Variants in NCAPH observed in about 807,000 individuals in gnomAD.
NCAPH encodes the protein non-SMC condensin I complex subunit H.
NCAPH carries 38 observed loss-of-function variants against 85.5 expected under a neutral mutation model. That is an observed-to-expected ratio of 0.44 (90% CI 0.34 to 0.58). The LOEUF is 0.58. NCAPH is among the 20% of genes least tolerant of loss of function. NCAPH has a pLI of 0.01. For missense variants in NCAPH, 789 were observed against 916.6 expected, an observed-to-expected ratio of 0.86 and a Z score of 1.80; for synonymous variants, 301 against 335.1, an observed-to-expected ratio of 0.90 and a Z score of 1.11.
intron 6 of NCAPH, among the ~76,000 whole-genome samples, chr2:96,347,217 G>T (rs537006131): frequency 2.0e-5 from 3 of 151,806 alleles, no homozygotes; most frequent in South Asian, 2.1e-4. Context: ...GCAGAGGCCC[G>T]CAGGGGAAGC....
intron 15 of NCAPH, among the ~76,000 whole-genome samples, 185 bp downstream of exon 15, chr2:96,367,558 G>A (rs2064717564): frequency 6.6e-6 from 1 of 152,200 alleles, no homozygotes; most frequent in Admixed American, 6.5e-5. Context: ...TGAAGTGGAA[G>A]GATCACTTGA....
Position 96,360,735 on chromosome 2 carries a change from A to G in NCAPH, c.1587+25A>G, listed in dbSNP as rs377108952. The stretch of plus-strand genomic sequence containing the variant: ...GGTAAGCCTATTTCTTGGTTCCTTT[A>G]AGCACACAAGGTATCAAGTGGCTGA... On this transcript the variant is annotated intron_variant, in intron 12 of 17. Coordinates refer to ENST00000240423, the MANE Select transcript of NCAPH (RefSeq NM_015341.5). 1.4e-5 allele frequency: 23 copies of G among 1,613,452 alleles called. No individual in the cohort carries two copies. In the African/African-American group the frequency reaches 3.1e-4, roughly 22 times the overall value.
At chr2:96,355,545 A>G (rs1417478481) in intron 9 of NCAPH, among the ~76,000 whole-genome samples, 1 of 152,064 alleles carries the variant, frequency 6.6e-6, no homozygotes, top group East Asian at 1.9e-4. Context: ...GCCACTGCCC[A>G]TCCAGGCTCA....
intron 15 of NCAPH, among the ~76,000 whole-genome samples, chr2:96,368,055 G>A (rs1327049558): frequency 6.6e-6 from 1 of 152,198 alleles, no homozygotes; most frequent in Non-Finnish European, 1.5e-5. Context: ...CTGAAACCTT[G>A]ATTAACTTGG....
intron 7 of NCAPH, among the ~76,000 whole-genome samples, chr2:96,353,018 GA>G (rs1004391736): frequency 1.2e-4 from 18 of 152,278 alleles, no homozygotes; most frequent in African/African-American, 3.9e-4. Flanking sequence ...TTTCAGAATC[GA>G]ATGTCTGTGC....
At chr2:96,366,240 C>A (rs1162243541) in intron 14 of NCAPH, among the ~76,000 whole-genome samples, 182 bp downstream of exon 14, 1 of 152,136 alleles carries the variant, frequency 6.6e-6, no homozygotes, top group Non-Finnish European at 1.5e-5. Flanking sequence ...TGGAACTGAC[C>A]ATCTCTCCAA....
At position 96,360,692 on chromosome 2, in the gene NCAPH, C is replaced by T; in HGVS notation, c.1569C>T (p.His523=). ...NYNVDTLVQL[H]LKPGTRLLKM... ...ATGTTGACACTCTGGTCCAGCTTCA[C>T]CTCAAACCAGGCACCAGGGTAAGCC... Residue 523 remains histidine (H), a synonymous_variant, in exon 12 of 18, where the codon CAC becomes CAT. Transcript: ENST00000240423. 6.2e-7 allele frequency: 1 copy of T among 1,614,194 alleles called. No homozygotes were observed. Among genetic ancestry groups the T allele is most frequent in the Non-Finnish European group, 8.5e-7 (1 of 1,180,030 alleles).
At chr2:96,361,040 CTTTTTT>C (rs760283642) in intron 12 of NCAPH, among the ~76,000 whole-genome samples, 38 of 86,780 alleles carry the variant, frequency 4.4e-4, no homozygotes, top group African/African-American at 1.4e-3. Context: ...TTGCTTTCTC[CTTTTTT>C]TTTTTTTTTT....
In NCAPH at chr2:96,352,548, C is replaced by T. The variant is rs536397017; in HGVS notation, c.910+528C>T. On this transcript the variant is annotated intron_variant, in intron 7 of 17. Transcript: ENST00000240423. The stretch of plus-strand genomic sequence containing the variant: ...AGCATCCCTCCCATATACGCCTCCA[C>T]GCCTGAGTTGGGGGTTCTCCTTGGG... 9.5e-4 allele frequency among the ~76,000 whole-genome samples: 145 copies of T among 152,316 alleles called. 4 individuals carry two copies. The South Asian group carries it at 0.029, about 31-fold the overall frequency.
chr2:96,364,371 A>G (rs1364595214), intron 12 of NCAPH, 110 bp from the exon 13 acceptor site: 3 of 712,820 alleles, frequency 4.2e-6, no homozygotes, highest in Non-Finnish European at 6.9e-6. Flanking sequence ...TCTGACTCTA[A>G]AATTGTATAA....
rs1361149615 is a variant in NCAPH, at chr2:96,341,628, G to C, written c.20-14G>C. The C allele has an allele frequency of 6.2e-7, 1 of 1,605,198 alleles. No homozygotes were observed. The highest frequency in any genetic ancestry group is 1.3e-5 in the African/African-American group (1 of 74,546). On this transcript the variant is annotated splice_polypyrimidine_tract_variant and intron_variant, in intron 1 of 17. Transcript: ENST00000240423. ...GTTCTCTTGAAGGTTTCTTGAGCAA[G>C]AATTTTGTTCCAGCACTGCCAGCCA...
intron 17 of NCAPH, among the ~76,000 whole-genome samples, chr2:96,371,039 T>C (rs2064766226): frequency 6.6e-6 from 1 of 152,172 alleles, no homozygotes; most frequent in Non-Finnish European, 1.5e-5. Flanking sequence ...CTAAAGCATC[T>C]GATATCACAT....
rs2064446616 is a variant in NCAPH at position 96,351,791 on chromosome 2, C to T, written c.721-40C>T. On this transcript the variant is annotated intron_variant, in intron 6 of 17. Transcript: ENST00000240423. Reference sequence around the variant, plus strand: ...TGAGAATTTATCTTTCCCTTGGCTACATGCCGTAAATCTTCAGTTTCTTCT... The same window carrying T: ...TGAGAATTTATCTTTCCCTTGGCTATATGCCGTAAATCTTCAGTTTCTTCT... 3.3e-6 allele frequency: 5 copies of T among 1,521,282 alleles called. No individual in the cohort carries two copies. The South Asian group carries it at 5.1e-5, about 16-fold the overall frequency. The allele number at this position is 1,521,282 out of a possible 1,614,324, so 94.2% of individuals were successfully genotyped here.
intron 12 of NCAPH, among the ~76,000 whole-genome samples, chr2:96,361,807 T>TAC (rs1491537462): frequency 1.2e-4 from 8 of 65,118 alleles, no homozygotes; most frequent in African/African-American, 3.8e-4. Context: ...TATATATGTG[T>TAC]ATATATATAT....
intron 1 of NCAPH, among the ~76,000 whole-genome samples, chr2:96,337,304 T>A (rs954476083): frequency 6.6e-6 from 1 of 152,242 alleles, no homozygotes; most frequent in Non-Finnish European, 1.5e-5. Flanking sequence ...CCAGGTTCCT[T>A]CCTTAGCCTG....
In NCAPH at chr2:96,374,939, G is replaced by T. The variant is rs60893927; in HGVS notation, c.*1588G>T. ...TAGAAAGATTGGGACCAAGTGCAGT[G>T]GCCCACACCTGTAAATCCTAGCGCT... On this transcript the variant is annotated 3_prime_UTR_variant, in exon 18 of 18. Coordinates refer to ENST00000240423, the MANE Select transcript of NCAPH (RefSeq NM_015341.5). Among the ~76,000 whole-genome samples the T allele has an allele frequency of 1.3e-3, 196 of 152,206 alleles. 5 individuals are homozygous for T. In the East Asian group the frequency reaches 0.031, roughly 24 times the overall value.
chr2:96,362,857 TAAA>T (rs368280545), intron 12 of NCAPH, among the ~76,000 whole-genome samples: 1 of 148,916 alleles, frequency 6.7e-6, no homozygotes, highest in Admixed American at 6.7e-5. Context: ...GTTGAAATGA[TAAA>T]AAAAAAAGAT....
At chr2:96,345,692 T>C (rs1025996242) in intron 6 of NCAPH, among the ~76,000 whole-genome samples, 1 of 152,202 alleles carries the variant, frequency 6.6e-6, no homozygotes, top group Non-Finnish European at 1.5e-5. Context: ...AACTGGGACA[T>C]GGTGAAGTGT....
chr2:96,349,154 A>G (rs1201296054), intron 6 of NCAPH, among the ~76,000 whole-genome samples: 1 of 152,174 alleles, frequency 6.6e-6, no homozygotes, highest in African/African-American at 2.4e-5. Flanking sequence ...GAGAGCAGCA[A>G]GTAGGGCTGA....
Sources: allele counts gnomAD v4.1 joint callset (sites outside exome capture counted in the v4.1 genomes callset), GRCh38; gene constraint gnomAD v4.1.1; transcripts MANE v1.5; gene names NCBI Gene and HGNC (gene_info 2026-07-23, HGNC 2026-07-21).